The following LINGO2 variants were observed in gnomAD, a reference collection of about 807,000 sequenced individuals.
LINGO2 encodes the protein leucine rich repeat and Ig domain containing 2, also known as leucine-rich repeat and immunoglobulin-like domain-containing nogo receptor-interacting protein 2.
Under a neutral mutation model 30.6 loss-of-function variants are expected in LINGO2, and 14 were observed. The observed-to-expected ratio is 0.46, with a 90% CI of 0.30 to 0.72. The LOEUF is 0.72. LINGO2 is among the 30% of genes least tolerant of loss of function. LINGO2 has a pLI of 0.07. For missense variants in LINGO2, 729 were observed against 751.7 expected, an observed-to-expected ratio of 0.97 and a Z score of 0.35; for synonymous variants, 317 against 288.5, an observed-to-expected ratio of 1.10 and a Z score of -1.00.
At chr9:28,146,784 C>T (rs1317281678) in intron 4 of LINGO2, among the ~76,000 whole-genome samples, 1 of 152,152 alleles carries the variant, frequency 6.6e-6, no homozygotes, top group Non-Finnish European at 1.5e-5. Context: ...TCACAATGAC[C>T]AAATTATGTT....
chr9:28,450,561 T>C (rs1824609145), intron 2 of LINGO2, among the ~76,000 whole-genome samples: 1 of 151,974 alleles, frequency 6.6e-6, no homozygotes. Context: ...GCTCAGAAAA[T>C]GACCAAATAA....
At chr9:29,014,108 G>A in the LINGO2 span, among the ~76,000 whole-genome samples, 225 of 151,658 alleles carry the variant, frequency 1.5e-3, no homozygotes, top group African/African-American at 5.1e-3. Context: ...TATCTGCTAC[G>A]AGTTATGCAG....
At chr9:28,294,041 AT>A (rs1823835868) in intron 4 of LINGO2, among the ~76,000 whole-genome samples, 1 of 152,120 alleles carries the variant, frequency 6.6e-6, no homozygotes, top group Admixed American at 6.5e-5. Context: ...CTGCCATGAG[AT>A]TGGTAATCTA....
At chr9:28,875,403 C>T in the LINGO2 span, among the ~76,000 whole-genome samples, 1 of 152,048 alleles carries the variant, frequency 6.6e-6, no homozygotes, top group Admixed American at 6.6e-5. Flanking sequence ...TCATCCTGAA[C>T]ACTCTGGCAT....
chr9:28,233,126 G>A (rs1821433251), intron 4 of LINGO2, among the ~76,000 whole-genome samples: 1 of 147,112 alleles, frequency 6.8e-6, no homozygotes, highest in East Asian at 2.0e-4. Context: ...CTATGTGTGT[G>A]TGTATGTGTG....
chr9:28,654,378 C>G (rs976286357), intron 1 of LINGO2, among the ~76,000 whole-genome samples: 6 of 151,948 alleles, frequency 3.9e-5, no homozygotes, highest in African/African-American at 1.4e-4. Flanking sequence ...TTAAATCTGA[C>G]ATTGAAGAGT....
intron 2 of LINGO2, among the ~76,000 whole-genome samples, chr9:28,438,969 A>T (rs1824076094): frequency 1.4e-5 from 2 of 147,162 alleles, no homozygotes; most frequent in Admixed American, 1.4e-4. Flanking sequence ...TGTGTACATT[A>T]TATATAATGA....
chr9:28,996,700 C>A, the LINGO2 span, among the ~76,000 whole-genome samples: 1 of 152,142 alleles, frequency 6.6e-6, no homozygotes, highest in African/African-American at 2.4e-5. Flanking sequence ...TTCAGGAATT[C>A]TGAGATTTAT....
chr9:29,114,380 TTTA>T, the LINGO2 span, among the ~76,000 whole-genome samples: 42,954 of 142,528 alleles, frequency 0.3, 6,801 homozygotes, highest in South Asian at 0.35. Flanking sequence ...ATTTTTTTCT[TTTA>T]TTATTATTAT....
At chr9:28,079,165 T>TGGG (rs1406304606) in intron 4 of LINGO2, among the ~76,000 whole-genome samples, 2 of 135,252 alleles carry the variant, frequency 1.5e-5, no homozygotes, top group African/African-American at 7.7e-5. Context: ...GATCAGGTTT[T>TGGG]AACACAATCC....
intron 1 of LINGO2, among the ~76,000 whole-genome samples, chr9:28,625,233 G>T (rs184388199): frequency 1.3e-5 from 2 of 152,190 alleles, no homozygotes; most frequent in Admixed American, 1.3e-4. Context: ...GCCAAACCCA[G>T]CATAGCTTTA....
chr9:28,315,545 G>C (rs1824812141), intron 3 of LINGO2, among the ~76,000 whole-genome samples: 1 of 152,162 alleles, frequency 6.6e-6, no homozygotes, highest in East Asian at 1.9e-4. Flanking sequence ...TTTTACTGAT[G>C]GAATGCAAAT....
rs564149179 is a variant in LINGO2 at position 28,154,177 on chromosome 9, G to C, written c.-87+141031C>G. Among the ~76,000 whole-genome samples the C allele has an allele frequency of 7.4e-4, 113 of 152,268 alleles. 1 individual carries two copies. Among genetic ancestry groups the C allele is most frequent in the African/African-American group, 2.7e-3 (111 of 41,572 alleles). ...GAGAAGACAGAGGTAAAGGAAGTGG[G>C]TTGGATGAGGGAATCCACATTTCTA... On this transcript the variant is annotated intron_variant, in intron 4 of 5. Transcript: ENST00000379992.
At chr9:28,704,695 A>C in the LINGO2 span, among the ~76,000 whole-genome samples, 7 of 151,998 alleles carry the variant, frequency 4.6e-5, no homozygotes, top group African/African-American at 1.7e-4. Flanking sequence ...CTAGTGAGTG[A>C]ATCAAATGCA....
the LINGO2 span, among the ~76,000 whole-genome samples, chr9:28,697,603 A>C: frequency 1.3e-5 from 2 of 151,962 alleles, no homozygotes; most frequent in South Asian, 2.1e-4. Flanking sequence ...GAAAAAAAAA[A>C]TCACTGTGAA....
rs141735972 is a variant in LINGO2 at position 28,139,406 on chromosome 9, C to G, written c.-86-127001G>C. ...AATTGTGTGGGTAGAATATACCTTT[C>G]TTTTTAATTTATTCCTTTTTCTATT... On this transcript the variant is annotated intron_variant, in intron 4 of 5. Transcript: ENST00000379992. 1.4e-4 allele frequency among the ~76,000 whole-genome samples: 22 copies of G among 152,326 alleles called. No homozygotes were observed. In the East Asian group the frequency reaches 4.0e-3, roughly 28 times the overall value.
the LINGO2 span, among the ~76,000 whole-genome samples, chr9:28,814,658 C>A: frequency 6.6e-6 from 1 of 152,134 alleles, no homozygotes; most frequent in African/African-American, 2.4e-5. Context: ...GAGGCCGAGG[C>A]AGACGGATCA....
At chr9:29,192,203 T>C in the LINGO2 span, among the ~76,000 whole-genome samples, 1 of 152,182 alleles carries the variant, frequency 6.6e-6, no homozygotes, top group Admixed American at 6.5e-5. Context: ...GTTTAATTAC[T>C]TGAATTAGAT....
intron 4 of LINGO2, among the ~76,000 whole-genome samples, chr9:28,165,052 C>T (rs1828389031): frequency 6.6e-6 from 1 of 152,226 alleles, no homozygotes; most frequent in Admixed American, 6.5e-5. Flanking sequence ...GCAATACCTA[C>T]ATTAGACTGT....
Sources: gnomAD v4.1 joint callset for allele counts (sites outside exome capture counted in the v4.1 genomes callset) on GRCh38, gnomAD v4.1.1 for gene constraint, MANE v1.5 for transcripts, NCBI Gene and HGNC (gene_info 2026-07-23, HGNC 2026-07-21) for gene names.